Variants in CLINT1 observed in about 807,000 individuals in gnomAD.
CLINT1 encodes clathrin interactor 1, also known as clathrin interacting protein localized in the trans-Golgi region.
A neutral mutation model predicts 70.4 loss-of-function variants in CLINT1; 15 were observed. The ratio of observed to expected loss-of-function variants is 0.21; its 90% CI spans 0.14 to 0.33. The LOEUF is 0.33. Ranked by LOEUF, CLINT1 falls within the 10% of genes least tolerant of loss-of-function variation. The pLI is 1.00. For missense variants in CLINT1, 615 were observed against 778.1 expected, an observed-to-expected ratio of 0.79 and a Z score of 2.49; for synonymous variants, 227 against 254.7, an observed-to-expected ratio of 0.89 and a Z score of 1.04.
intron 1 of CLINT1, among the ~76,000 whole-genome samples, chr5:157,844,755 G>C (rs1161779488): frequency 6.6e-6 from 1 of 152,114 alleles, no homozygotes; most frequent in African/African-American, 2.4e-5. Flanking sequence ...AAAACATAAA[G>C]ATCACAGGAT....
chr5:157,820,262 A>C (rs1282952936), intron 1 of CLINT1, among the ~76,000 whole-genome samples: 4 of 152,188 alleles, frequency 2.6e-5, no homozygotes, highest in Non-Finnish European at 5.9e-5. Context: ...CAGCCTGGCC[A>C]ACATGGCAAA....
chr5:157,792,495 C>G (rs930393510), intron 9 of CLINT1, among the ~76,000 whole-genome samples: 2 of 152,160 alleles, frequency 1.3e-5, no homozygotes, highest in Non-Finnish European at 2.9e-5. Context: ...TTGCAGTGAG[C>G]TGAGATTGTG....
At chr5:157,810,380 A>C (rs1362890047) in intron 5 of CLINT1, among the ~76,000 whole-genome samples, 1 of 152,194 alleles carries the variant, frequency 6.6e-6, no homozygotes, top group African/African-American at 2.4e-5. Flanking sequence ...AGCATTCCGT[A>C]ATTACTGTAC....
chr5:157,809,925 G>C, intron 5 of CLINT1, 120 bp from the exon 6 acceptor site: 1 of 949,122 alleles, frequency 1.1e-6, no homozygotes. Context: ...AAAACAGAAA[G>C]CTCCCACAGT....
chr5:157,787,660 T>G lies in CLINT1; in HGVS notation c.1864A>C (p.Asn622His). ...TTTACAATCTCTTATTTGCTAAAAT[T>G]GGCGAAATTTGCAAAGGCATCTTGC... ...PKQDAFANFA[N>H]FSK is the part of the protein sequence containing the mutation. Residue 622 changes from asparagine (N) to histidine (H), a missense_variant, in exon 12 of 12, where the codon AAT becomes CAT. By Grantham distance (68) the Asn-to-His change is moderately conservative. Around this residue, in one of 2 missense-constraint regions of CLINT1, gnomAD observed 374 missense variants for 409.6 expected, o/e 0.91. Coordinates refer to ENST00000411809, the MANE Select transcript of CLINT1 (RefSeq NM_014666.4). 6.2e-7 allele frequency: 1 copy of G among 1,613,178 alleles called. No individual in the cohort carries two copies. Among genetic ancestry groups the G allele is most frequent in the Non-Finnish European group, 8.5e-7 (1 of 1,179,272 alleles).
intron 5 of CLINT1, among the ~76,000 whole-genome samples, chr5:157,811,285 T>G (rs1161848670): frequency 1.3e-5 from 2 of 152,260 alleles, no homozygotes; most frequent in South Asian, 2.1e-4. Flanking sequence ...CTCATGCCTG[T>G]AATCCCAGCA....
intron 1 of CLINT1, among the ~76,000 whole-genome samples, chr5:157,826,245 AAATT>A (rs1763033232): frequency 6.6e-6 from 1 of 152,158 alleles, no homozygotes; most frequent in South Asian, 2.1e-4. Flanking sequence ...ATTTATCCAT[AAATT>A]AAAGATCCTG....
intron 1 of CLINT1, among the ~76,000 whole-genome samples, chr5:157,846,751 GGCTAACGCAGCTGTGA>G (rs1449915377): frequency 3.3e-5 from 5 of 152,142 alleles, no homozygotes; most frequent in African/African-American, 1.2e-4. Context: ...TCTTCTCATG[GGCTAACGCAGCTGTGA>G]GCCAGTGCTC....
chr5:157,851,123 G>A (rs556838289), intron 1 of CLINT1, among the ~76,000 whole-genome samples: 24 of 150,600 alleles, frequency 1.6e-4, no homozygotes, highest in African/African-American at 5.4e-4. Flanking sequence ...TACTAAAAAT[G>A]CATGAAAACA....
intron 1 of CLINT1, among the ~76,000 whole-genome samples, chr5:157,833,887 G>A (rs1408975199): frequency 6.6e-6 from 1 of 151,656 alleles, no homozygotes; most frequent in African/African-American, 2.4e-5. Flanking sequence ...GGCTGCAGTG[G>A]GCCGTGATCG....
chr5:157,803,700 T>C lies in CLINT1; in HGVS notation c.962A>G (p.Lys321Arg), dbSNP rs1473983189. The change falls in exon 8 of 12, where the codon AAG (lysine) becomes AGG (arginine). Residue 321 changes from lysine (K) to arginine (R), a missense_variant. By Grantham distance (26) the Lys-to-Arg change is conservative. Transcript: ENST00000411809. ...CAGATCAACAAGGTCACCAGATGAC[T>C]TGCTGCTAGGCACTGAAGTCTGAAA... ...SSVKTSVPSS[K>R]SSGDLVDLFD... The C allele has an allele frequency of 6.4e-7, 1 of 1,559,360 alleles. No individual in the cohort carries two copies. Among genetic ancestry groups the C allele is most frequent in the Admixed American group, 1.7e-5 (1 of 57,682 alleles).
intron 1 of CLINT1, among the ~76,000 whole-genome samples, 200 bp from the exon 2 acceptor site, chr5:157,817,747 T>C (rs577472062): frequency 4.2e-4 from 64 of 152,278 alleles, no homozygotes; most frequent in African/African-American, 1.5e-3. Context: ...GATTTTACTA[T>C]ACCATTAGCC....
intron 4 of CLINT1, 57 bp from the exon 5 acceptor site, chr5:157,813,284 C>G: frequency 6.9e-7 from 1 of 1,444,898 alleles, no homozygotes; most frequent in Non-Finnish European, 9.2e-7. Context: ...ATGTATCAAG[C>G]TCTTTAAGAT....
intron 1 of CLINT1, among the ~76,000 whole-genome samples, chr5:157,818,302 T>A (rs956892561): frequency 2.6e-5 from 4 of 152,080 alleles, no homozygotes; most frequent in African/African-American, 9.6e-5. Flanking sequence ...AATCTCAGTT[T>A]CCTCAACCAA....
chr5:157,793,706 T>C lies in CLINT1; in HGVS notation c.1087+1192A>G, dbSNP rs547464309. 3.9e-5 allele frequency among the ~76,000 whole-genome samples: 6 copies of C among 152,334 alleles called. No individual in the cohort carries two copies. In the South Asian group the frequency reaches 1.2e-3, roughly 32 times the overall value. On this transcript the variant is annotated intron_variant, in intron 9 of 11. Coordinates refer to ENST00000411809, the MANE Select transcript of CLINT1 (RefSeq NM_014666.4). ...TATTAACCCTTAGATGGCATATTCT[T>C]ACTTTCAAAATGAAGCAGAAAATTA...
chr5:157,827,033 G>T (rs1015445605), intron 1 of CLINT1, among the ~76,000 whole-genome samples: 31 of 152,122 alleles, frequency 2.0e-4, no homozygotes, highest in African/African-American at 7.5e-4. Flanking sequence ...TCAATTAATA[G>T]TTTGGATGGG....
intron 10 of CLINT1, among the ~76,000 whole-genome samples, chr5:157,791,120 G>A (rs910429991): frequency 9.2e-5 from 14 of 151,940 alleles, no homozygotes; most frequent in African/African-American, 1.2e-4. Flanking sequence ...GTGCAGTGGC[G>A]CGATCTCAGC....
At chr5:157,832,550 A>G (rs1763281175) in intron 1 of CLINT1, among the ~76,000 whole-genome samples, 1 of 152,136 alleles carries the variant, frequency 6.6e-6, no homozygotes, top group Non-Finnish European at 1.5e-5. Flanking sequence ...TGAGATTCCT[A>G]CAAAAGCCAT....
intron 1 of CLINT1, among the ~76,000 whole-genome samples, chr5:157,829,828 C>T (rs1763168023): frequency 6.6e-6 from 1 of 151,710 alleles, no homozygotes; most frequent in African/African-American, 2.4e-5. Flanking sequence ...CAGGCGTGAG[C>T]CACTGTGCCC....
Sources: allele counts gnomAD v4.1 joint callset (sites outside exome capture counted in the v4.1 genomes callset), GRCh38; gene constraint gnomAD v4.1.1; regional missense constraint gnomAD v4.1.1; transcripts MANE v1.5; gene names NCBI Gene and HGNC (gene_info 2026-07-23, HGNC 2026-07-21).